The following KLF8 variants were observed in gnomAD, a reference collection of about 807,000 sequenced individuals.
KLF8 encodes the protein Krueppel-like factor 8.
A neutral mutation model predicts 18.2 loss-of-function variants in KLF8; 10 were observed. The ratio of observed to expected loss-of-function variants is 0.55; its 90% CI spans 0.34 to 0.93. The LOEUF is 0.93. KLF8 is among the 40% of genes least tolerant of loss of function. The pLI, the probability that KLF8 is intolerant of heterozygous loss-of-function variation, is 0.02. For synonymous variants in KLF8, 109 were observed against 97.3 expected, an observed-to-expected ratio of 1.12 and a Z score of -0.71; for missense variants, 264 against 277.9, an observed-to-expected ratio of 0.95 and a Z score of 0.36.
chrX:55,957,671 C>T, the KLF8 span, among the ~76,000 whole-genome samples: 2 of 111,440 alleles, frequency 1.8e-5, no homozygotes, highest in African/African-American at 3.3e-5. Flanking sequence ...GGAATTGTTT[C>T]TTTAATTTCC....
the KLF8 span, among the ~76,000 whole-genome samples, chrX:55,990,608 G>A: frequency 1.3e-4 from 14 of 111,638 alleles, no homozygotes; most frequent in Non-Finnish European, 2.6e-4. Context: ...TTTCTGCTCT[G>A]CTTTTTCCCC....
At position 56,232,698 on chromosome X, in the gene KLF8, C is replaced by G; in HGVS notation, c.-637C>G. On this transcript the variant is annotated 5_prime_UTR_variant, in exon 1 of 6. Coordinates refer to ENST00000468660, the MANE Select transcript of KLF8 (RefSeq NM_007250.5). ...CCTCCCTTCTTTCTTTTTAGGAAGG[C>G]GCTGGGGTGTGCGGCGGCAACGGCG... is the stretch of plus-strand genomic sequence containing the variant. 9.0e-6 allele frequency: 1 copy of G among 111,706 alleles called. No homozygotes were observed. Among genetic ancestry groups the G allele is most frequent in the East Asian group, 2.8e-4 (1 of 3,518 alleles). 9.2% of individuals were successfully genotyped at this position (111,706 alleles called of 1,213,427 possible).
chrX:55,958,714 C>T, the KLF8 span, among the ~76,000 whole-genome samples: 1 of 112,450 alleles, frequency 8.9e-6, no homozygotes, highest in Non-Finnish European at 1.9e-5. Flanking sequence ...AAATGAATTA[C>T]TTGTTACAAA....
At chrX:55,946,208 A>T in the KLF8 span, among the ~76,000 whole-genome samples, 8 of 111,864 alleles carry the variant, frequency 7.2e-5, no homozygotes, top group Non-Finnish European at 1.5e-4. Flanking sequence ...AGAAAGCTGG[A>T]AGCATCATGC....
chrX:55,955,328 G>T, the KLF8 span, among the ~76,000 whole-genome samples: 1 of 111,445 alleles, frequency 9.0e-6, no homozygotes, highest in East Asian at 2.8e-4. Context: ...GCCACTGCAT[G>T]TGTGATAGTA....
the KLF8 span, among the ~76,000 whole-genome samples, chrX:56,136,256 A>G: frequency 9.0e-6 from 1 of 111,390 alleles, no homozygotes; most frequent in Non-Finnish European, 1.9e-5. Flanking sequence ...ACTACTTTAA[A>G]GTAAGTTCAT....
At chrX:56,161,738 G>A in the KLF8 span, among the ~76,000 whole-genome samples, 2 of 111,476 alleles carry the variant, frequency 1.8e-5, no homozygotes, top group South Asian at 3.7e-4. Flanking sequence ...GCTCAGAGTA[G>A]TTTGATCATC....
chrX:56,263,568 G>T (rs978776844), intron 2 of KLF8, among the ~76,000 whole-genome samples: 1 of 110,981 alleles, frequency 9.0e-6, no homozygotes, highest in East Asian at 2.8e-4. Context: ...TCACTGCAGC[G>T]CTCTGAGGGT....
the KLF8 span, among the ~76,000 whole-genome samples, chrX:55,926,463 T>G: frequency 9.0e-6 from 1 of 110,626 alleles, no homozygotes; most frequent in East Asian, 2.9e-4. Context: ...TCAGAGTCAA[T>G]TTTTAGTAGA....
At chrX:55,951,036 T>C in the KLF8 span, among the ~76,000 whole-genome samples, 2 of 112,214 alleles carry the variant, frequency 1.8e-5, no homozygotes, top group African/African-American at 6.5e-5. Context: ...AGTTCAAGAT[T>C]ATCTGCCATA....
At chrX:56,007,080 G>T in the KLF8 span, among the ~76,000 whole-genome samples, 1 of 112,321 alleles carries the variant, frequency 8.9e-6, no homozygotes, top group African/African-American at 3.2e-5. Flanking sequence ...CCCTAGGCAA[G>T]TGGCTCTCAG....
the KLF8 span, among the ~76,000 whole-genome samples, chrX:56,210,243 T>A: frequency 8.9e-6 from 1 of 111,928 alleles, no homozygotes; most frequent in African/African-American, 3.2e-5. Context: ...ATTCATGAAA[T>A]TTTTCAGCTG....
the KLF8 span, among the ~76,000 whole-genome samples, chrX:56,123,299 GAGAA>G: frequency 3.2e-4 from 33 of 102,872 alleles, no homozygotes; most frequent in Admixed American, 3.4e-3. Flanking sequence ...AAGAAAGAAA[GAGAA>G]AGAAAGAAAG....
At chrX:56,104,026 A>G in the KLF8 span, among the ~76,000 whole-genome samples, 3 of 111,754 alleles carry the variant, frequency 2.7e-5, no homozygotes, top group Non-Finnish European at 3.8e-5. Context: ...ATTAATTTGC[A>G]TATGTTGAAC....
chrX:56,160,160 C>T, the KLF8 span, among the ~76,000 whole-genome samples: 1 of 111,911 alleles, frequency 8.9e-6, no homozygotes. Flanking sequence ...TGTAGTCATT[C>T]AGGAGCAGGT....
the KLF8 span, among the ~76,000 whole-genome samples, chrX:56,120,905 G>T: frequency 9.0e-6 from 1 of 111,210 alleles, no homozygotes; most frequent in Non-Finnish European, 1.9e-5. Context: ...CTAAATTCCG[G>T]GCCGAACACA....
the KLF8 span, among the ~76,000 whole-genome samples, chrX:56,077,265 C>G: frequency 8.9e-6 from 1 of 111,748 alleles, no homozygotes; most frequent in Non-Finnish European, 1.9e-5. Flanking sequence ...TAGGATATTT[C>G]TGGTTTTAAG....
At chrX:56,181,573 G>T in the KLF8 span, among the ~76,000 whole-genome samples, 1 of 111,567 alleles carries the variant, frequency 9.0e-6, no homozygotes, top group South Asian at 3.7e-4. Flanking sequence ...GGTCTTTACA[G>T]TTTGGCATGT....
At chrX:56,088,098 G>C in the KLF8 span, among the ~76,000 whole-genome samples, 1 of 111,099 alleles carries the variant, frequency 9.0e-6, no homozygotes, top group South Asian at 3.7e-4. Context: ...CGTTGTAAAA[G>C]GAAATATGGA....
Sources: gnomAD v4.1 joint callset for allele counts (sites outside exome capture counted in the v4.1 genomes callset) on GRCh38, gnomAD v4.1.1 for gene constraint, MANE v1.5 for transcripts, NCBI Gene and HGNC (gene_info 2026-07-23, HGNC 2026-07-21) for gene names.